Variants in NLRP3 observed in about 807,000 individuals in gnomAD.
NLRP3 encodes the protein NLR family pyrin domain containing 3, also known as NACHT, LRR and PYD domains-containing protein 3.
NLRP3 carries 48 observed loss-of-function variants against 91.3 expected under a neutral mutation model. That is an observed-to-expected ratio of 0.53 (90% CI 0.42 to 0.67). The LOEUF is 0.67. Among genes scored for constraint, NLRP3 ranks in the 30% least tolerant of loss-of-function variants. The pLI is 0.00. For missense variants in NLRP3, 982 were observed against 1,276.9 expected (o/e 0.77, Z 3.52); for synonymous variants, 561 against 507.9 (o/e 1.10, Z -1.41).
Position 247,425,382 on chromosome 1 carries a change from A to G in NLRP3, c.1933A>G (p.Met645Val), listed in dbSNP as rs745331659. The G allele has an allele frequency of 3.1e-6, 5 of 1,614,212 alleles. No homozygotes were observed. The Admixed American group carries it at 5.0e-5, about 16-fold the overall frequency. The change falls in exon 4 of 10, where the codon ATG (methionine) becomes GTG (valine). Residue 645 changes from methionine (M) to valine (V), a missense_variant. By Grantham distance (21) the Met-to-Val change is conservative. Around this residue, in one of 5 missense-constraint regions of NLRP3, gnomAD observed 373 missense variants for 431.5 expected, o/e 0.86. Coordinates refer to ENST00000336119, the MANE Select transcript of NLRP3 (RefSeq NM_001243133.2). The surrounding 1 kb of genome is among the most constrained non-coding windows in gnomAD (Gnocchi z 4.1). ...GGAGGAGGACTTCGTGCAAAGGGCCATGGACTATTTCCCCAAGATTGAGAT... is the reference window on the plus strand; with the variant it reads ...GGAGGAGGACTTCGTGCAAAGGGCCGTGGACTATTTCCCCAAGATTGAGAT... ...MQEEDFVQRA[M>V]DYFPKIEINL...
intron 5 of NLRP3, among the ~76,000 whole-genome samples, chr1:247,430,287 G>C (rs1663213673): frequency 6.6e-6 from 1 of 152,172 alleles, no homozygotes; most frequent in Admixed American, 6.5e-5. Flanking sequence ...GTGTCAGCAG[G>C]GTTGGTTTCT....
intron 2 of NLRP3, among the ~76,000 whole-genome samples, chr1:247,422,295 C>A (rs1662517713): frequency 1.3e-5 from 2 of 150,904 alleles, no homozygotes; most frequent in South Asian, 4.2e-4. Context: ...GGGAGGATCA[C>A]TTGAGCCCAG....
intron 6 of NLRP3, among the ~76,000 whole-genome samples, chr1:247,435,115 G>A (rs1423441627): frequency 3.3e-5 from 5 of 152,126 alleles, no homozygotes; most frequent in Non-Finnish European, 7.4e-5. Flanking sequence ...AGCCAGGCAT[G>A]GTGGTGCATG....
chr1:247,426,541 G>T (rs1662901845), intron 4 of NLRP3, among the ~76,000 whole-genome samples: 1 of 152,224 alleles, frequency 6.6e-6, no homozygotes. Context: ...CCCTTCCACA[G>T]GCAACAATGA....
intron 7 of NLRP3, among the ~76,000 whole-genome samples, chr1:247,441,978 C>T (rs1315430829): frequency 6.6e-6 from 1 of 152,198 alleles, no homozygotes; most frequent in African/African-American, 2.4e-5. Context: ...GAAGACCATC[C>T]CCATTCTACT....
chr1:247,418,851 T>G lies in NLRP3; in HGVS notation c.51T>G (p.Asp17Glu), dbSNP rs1572151908. The change falls in exon 2 of 10, where the codon GAT becomes GAG. Residue 17 changes from aspartate to glutamate, a missense_variant. Asp to Glu is a conservative substitution (Grantham distance 45). Coordinates refer to ENST00000336119, the MANE Select transcript of NLRP3 (RefSeq NM_001243133.2). ...CCAGGTACCTGGAGGACCTGGAGGATGTGGACTTGAAGAAATTTAAGATGC... is the reference window on the plus strand; with the variant it reads ...CCAGGTACCTGGAGGACCTGGAGGAGGTGGACTTGAAGAAATTTAAGATGC... Reference protein sequence around the residue: ...KLARYLEDLEDVDLKKFKMHL... With the variant: ...KLARYLEDLEEVDLKKFKMHL... 1 of 1,613,988 alleles carries G rather than the reference T, an allele frequency of 6.2e-7. No homozygotes were observed. Among genetic ancestry groups the G allele is most frequent in the Admixed American group, 1.7e-5 (1 of 59,996 alleles).
intron 3 of NLRP3, 74 bp from the exon 4 acceptor site, chr1:247,423,773 A>G (rs1662643270): frequency 3.0e-6 from 4 of 1,347,612 alleles, no homozygotes; most frequent in Non-Finnish European, 4.2e-6. Flanking sequence ...GCTTCCGATG[A>G]CAGGCCCCAG....
At chr1:247,429,798 TGAGA>T in intron 5 of NLRP3, 43 bp downstream of exon 5, 5 of 1,594,876 alleles carry the variant, frequency 3.1e-6, no homozygotes, top group Admixed American at 1.7e-5. Flanking sequence ...CAAGTTCATA[TGAGA>T]GAGAGAGAGA....
intron 2 of NLRP3, among the ~76,000 whole-genome samples, chr1:247,422,923 A>G (rs1662566781): frequency 1.3e-5 from 2 of 152,248 alleles, no homozygotes; most frequent in African/African-American, 2.4e-5. Flanking sequence ...AAACGAGGGT[A>G]AAAGAAACTT....
Position 247,425,915 on chromosome 1 carries a change from G to A in NLRP3, c.2150+316G>A, listed in dbSNP as rs758016135. 13 of 386,352 alleles carry A rather than the reference G, an allele frequency of 3.4e-5. No individual in the cohort carries two copies. Among genetic ancestry groups the A allele is most frequent in the Non-Finnish European group, 5.4e-5 (11 of 203,212 alleles). The allele number at this position is 386,352 out of a possible 1,614,324, so 23.9% of individuals were successfully genotyped here. A position where few individuals can be genotyped will look rare whatever the true frequency, so the allele number is the denominator to read the frequency against. ...TGAAATTTCTTGTAAGCTACTTGGA[G>A]CACTAGTGCCTAAGAGTCAGTCAAT... is the stretch of plus-strand genomic sequence containing the variant. On this transcript the variant is annotated intron_variant, in intron 4 of 9. Transcript: ENST00000336119. This position sits in a 1 kb window ranked among gnomAD's most constrained non-coding sequence, Gnocchi z 4.1.
chr1:247,446,722 C>G (rs866813597), intron 9 of NLRP3, among the ~76,000 whole-genome samples: 7 of 152,150 alleles, frequency 4.6e-5, no homozygotes, highest in Non-Finnish European at 8.8e-5. Flanking sequence ...TGTAGCACAT[C>G]TTATGTGCTA....
At chr1:247,420,872 T>C (rs1454430224) in intron 2 of NLRP3, among the ~76,000 whole-genome samples, 1 of 152,188 alleles carries the variant, frequency 6.6e-6, no homozygotes, top group East Asian at 1.9e-4. Context: ...CTGCCATGAT[T>C]AGTCCCTCTT....
intron 9 of NLRP3, among the ~76,000 whole-genome samples, chr1:247,447,422 G>A (rs921233338): frequency 4.9e-4 from 74 of 152,126 alleles, no homozygotes; most frequent in Non-Finnish European, 8.8e-4. Flanking sequence ...TTTAAGTACC[G>A]TACATTAGGG....
chr1:247,424,406 C>G lies in NLRP3; in HGVS notation c.957C>G (p.Asp319Glu), dbSNP rs1246017059. 6.2e-7 allele frequency: 1 copy of G among 1,614,138 alleles called. No individual in the cohort carries two copies. The highest frequency in any genetic ancestry group is 8.5e-7 in the Non-Finnish European group (1 of 1,180,028). Residue 319 changes from aspartate to glutamate, a missense_variant, in exon 4 of 10, where the codon GAC becomes GAG. Around this residue, in one of 5 missense-constraint regions of NLRP3, gnomAD observed 548 missense variants for 713.7 expected, o/e 0.77. Transcript: ENST00000336119. This position sits in a 1 kb window ranked among gnomAD's most constrained non-coding sequence, Gnocchi z 8.1. ...FDEHIGPLCT[D>E]WQKAERGDIL... ...AGCACATAGGACCGCTCTGCACTGA[C>G]TGGCAGAAGGCCGAGCGGGGAGACA...
intron 2 of NLRP3, among the ~76,000 whole-genome samples, chr1:247,419,936 A>G (rs1237339272): frequency 1.3e-5 from 2 of 152,346 alleles, no homozygotes; most frequent in Non-Finnish European, 1.5e-5. Context: ...ATATACTCAG[A>G]AGTGAAATTT....
chr1:247,446,789 A>G (rs557884853), intron 9 of NLRP3, among the ~76,000 whole-genome samples: 3 of 152,352 alleles, frequency 2.0e-5, no homozygotes, highest in African/African-American at 7.2e-5. Context: ...AAATTCCATT[A>G]GTCCAGGGAC....
At chr1:247,439,233 G>GC (rs1343596071) in intron 7 of NLRP3, among the ~76,000 whole-genome samples, 6 of 152,170 alleles carry the variant, frequency 3.9e-5, no homozygotes, top group Non-Finnish European at 7.3e-5. Context: ...TATTTTAAAT[G>GC]CCTAGTCTGT....
intron 7 of NLRP3, among the ~76,000 whole-genome samples, chr1:247,441,131 CTT>C (rs1558207096): frequency 1.4e-3 from 31 of 22,020 alleles, no homozygotes; most frequent in East Asian, 5.3e-3. Context: ...TTCTTTTTCT[CTT>C]TCTTTCTTTC....
Position 247,424,125 on chromosome 1 carries a change from G to T in NLRP3, c.676G>T (p.Ala226Ser). The T allele has an allele frequency of 6.2e-7, 1 of 1,614,132 alleles. No homozygotes were observed. Among genetic ancestry groups the T allele is most frequent in the South Asian group, 1.1e-5 (1 of 91,064 alleles). Residue 226 changes from alanine (A) to serine (S), a missense_variant, in exon 4 of 10, where the codon GCA becomes TCA. Ala to Ser is a moderately conservative substitution (Grantham distance 99). Around this residue, in one of 5 missense-constraint regions of NLRP3, gnomAD observed 548 missense variants for 713.7 expected, o/e 0.77. Transcript: ENST00000336119. The surrounding 1 kb of genome is among the most constrained non-coding windows in gnomAD (Gnocchi z 8.1). ...PVHTVVFQGA[A>S]GIGKTILARK... Reference sequence around the variant, plus strand: ...GCACACCGTGGTGTTCCAGGGGGCGGCAGGGATTGGGAAAACAATCCTGGC... The same window carrying T: ...GCACACCGTGGTGTTCCAGGGGGCGTCAGGGATTGGGAAAACAATCCTGGC...
Sources: allele counts gnomAD v4.1 joint callset (sites outside exome capture counted in the v4.1 genomes callset), GRCh38; gene constraint gnomAD v4.1.1; regional missense constraint gnomAD v4.1.1; non-coding constraint Gnocchi (gnomAD v3.1); transcripts MANE v1.5; gene names NCBI Gene and HGNC (gene_info 2026-07-23, HGNC 2026-07-21).